Variants in CDKL4 observed in about 807,000 individuals in gnomAD.
The protein encoded by CDKL4 is cyclin dependent kinase like 4, also known as cyclin-dependent kinase-like 4.
In CDKL4, 44 loss-of-function variants were observed where a neutral mutation model predicts 42.0. The observed-to-expected ratio is 1.05, with a 90% CI of 0.82 to 1.35. The LOEUF is 1.35. CDKL4 is among the 40% of genes most tolerant of loss of function. The pLI is 0.00. For synonymous variants in CDKL4, 120 were observed against 121.6 expected (o/e 0.99, Z 0.09); for missense variants, 393 against 369.9 (o/e 1.06, Z -0.51).
chr2:39,191,905 T>C lies in CDKL4; in HGVS notation c.455-1403A>G, dbSNP rs555139293. ...AGCCCGACTTGCAGAGATGAGGTAA[T>C]GGGCAATTCTCCTTAGTAAAGTCGT... On this transcript the variant is annotated intron_variant, in intron 5 of 9. Transcript: ENST00000451199. 2.6e-5 allele frequency among the ~76,000 whole-genome samples: 4 copies of C among 152,330 alleles called. No homozygotes were observed. The South Asian group carries it at 8.3e-4, about 32-fold the overall frequency.
chr2:39,187,756 A>T, intron 6 of CDKL4, 47 bp from the exon 7 acceptor site: 3 of 1,369,146 alleles, frequency 2.2e-6, no homozygotes, highest in Non-Finnish European at 3.1e-6. Context: ...GGCAAAGAAT[A>T]ATCAAGTGTT....
chr2:39,210,050 C>T (rs990981396), intron 4 of CDKL4, among the ~76,000 whole-genome samples: 28 of 152,074 alleles, frequency 1.8e-4, no homozygotes, highest in Admixed American at 1.6e-3. Flanking sequence ...TACAGTGGCC[C>T]GATCTTAGCT....
chr2:39,185,277 CATATGTATAT>C (rs1675691768), intron 7 of CDKL4, among the ~76,000 whole-genome samples: 1 of 64,128 alleles, frequency 1.6e-5, no homozygotes, highest in Admixed American at 2.1e-4. Flanking sequence ...TATATATACA[CATATGTATAT>C]ATACATATAT....
chr2:39,176,344 A>C (rs552313966), intron 9 of CDKL4, among the ~76,000 whole-genome samples: 1 of 152,328 alleles, frequency 6.6e-6, no homozygotes, highest in East Asian at 1.9e-4. Context: ...ACTTAATCTG[A>C]GTATCTAGTC....
At chr2:39,229,265 A>T in intron 2 of CDKL4, 100 bp downstream of exon 2, 1 of 853,354 alleles carries the variant, frequency 1.2e-6, no homozygotes, top group South Asian at 1.9e-5. Flanking sequence ...AAGGAATTTA[A>T]GTCCAATGGG....
intron 8 of CDKL4, among the ~76,000 whole-genome samples, chr2:39,182,653 T>A (rs1027655915): frequency 4.0e-4 from 61 of 152,204 alleles, no homozygotes; most frequent in African/African-American, 1.4e-3. Flanking sequence ...TTTTCTTAAA[T>A]CCAAACTTCA....
chr2:39,172,328 AAAAAG>A (rs1675024089), downstream of CDKL4, among the ~76,000 whole-genome samples: 3 of 151,936 alleles, frequency 2.0e-5, no homozygotes, highest in Admixed American at 6.6e-5. Context: ...CCGAAAAAAA[AAAAAG>A]AAAAAGAAAA....
chr2:39,238,275 A>G (rs1573035489), intron 1 of CDKL4, among the ~76,000 whole-genome samples: 1 of 152,146 alleles, frequency 6.6e-6, no homozygotes, highest in Admixed American at 6.5e-5. Context: ...TAAAAAAATA[A>G]AAAATAATTA....
intron 4 of CDKL4, among the ~76,000 whole-genome samples, chr2:39,210,196 G>A (rs2148347378): frequency 6.6e-6 from 1 of 152,188 alleles, no homozygotes; most frequent in East Asian, 1.9e-4. Flanking sequence ...TCACCATGTT[G>A]GCCAGGCTGG....
intron 7 of CDKL4, among the ~76,000 whole-genome samples, chr2:39,185,291 CATATATATACACATATGTATATATACAT>C (rs1675695972): frequency 1.7e-4 from 4 of 23,330 alleles, no homozygotes; most frequent in South Asian, 1.1e-3. Flanking sequence ...TGTATATATA[CATATATATACACATATGTATATATACAT>C]ATATATACAC....
At chr2:39,209,461 TA>T (rs1677449557) in intron 4 of CDKL4, among the ~76,000 whole-genome samples, 1 of 152,172 alleles carries the variant, frequency 6.6e-6, no homozygotes, top group Non-Finnish European at 1.5e-5. Context: ...TATTATAGGG[TA>T]AAAGAGAACC....
upstream of CDKL4, among the ~76,000 whole-genome samples, chr2:39,244,099 G>A (rs1019772745): frequency 4.6e-5 from 7 of 152,254 alleles, no homozygotes; most frequent in Admixed American, 4.6e-4. Flanking sequence ...CTTCTGAGAG[G>A]TGACAGCGTG....
At chr2:39,240,028 T>C (rs573221250) in intron 1 of CDKL4, among the ~76,000 whole-genome samples, 1 of 152,156 alleles carries the variant, frequency 6.6e-6, no homozygotes, top group African/African-American at 2.4e-5. Flanking sequence ...AGGCGGAGGT[T>C]GCAGTGAGCT....
intron 5 of CDKL4, among the ~76,000 whole-genome samples, chr2:39,201,309 A>AAT (rs1207676012): frequency 6.6e-6 from 1 of 151,538 alleles, no homozygotes; most frequent in African/African-American, 2.4e-5. Context: ...AAAAATAAAA[A>AAT]AAAAAAAACT....
At chr2:39,192,721 T>G (rs1025519789) in intron 5 of CDKL4, among the ~76,000 whole-genome samples, 1 of 152,082 alleles carries the variant, frequency 6.6e-6, no homozygotes, top group African/African-American at 2.4e-5. Flanking sequence ...GCTTACCAAG[T>G]GCATATGACA....
At chr2:39,243,811 AC>A (rs1679785131) in intron 1 of CDKL4, among the ~76,000 whole-genome samples, 59 bp downstream of exon 1, 1 of 152,000 alleles carries the variant, frequency 6.6e-6, no homozygotes, top group Admixed American at 6.5e-5. Context: ...CTCGCGGCTC[AC>A]CCCATCAACC....
At chr2:39,229,466 T>A in exon 2 of CDKL4, 1 of 1,613,616 alleles carries the variant, frequency 6.2e-7, no homozygotes, top group Middle Eastern at 1.7e-4. Flanking sequence ...GAGGTTTTGT[T>A]TCTGCATTTG....
chr2:39,243,163 G>T (rs1164860780), intron 1 of CDKL4, among the ~76,000 whole-genome samples: 1 of 64,706 alleles, frequency 1.5e-5, no homozygotes, highest in African/African-American at 3.5e-5. Flanking sequence ...GAATGACGAG[G>T]AAAAAGAGAT....
At chr2:39,234,468 G>C (rs773993964) in intron 1 of CDKL4, among the ~76,000 whole-genome samples, 7 of 152,100 alleles carry the variant, frequency 4.6e-5, no homozygotes, top group Non-Finnish European at 8.8e-5. Context: ...AGTTGAAATG[G>C]AGACAGGAAA....
Sources: gnomAD v4.1 joint callset for allele counts (sites outside exome capture counted in the v4.1 genomes callset) on GRCh38, gnomAD v4.1.1 for gene constraint, MANE v1.5 for transcripts, NCBI Gene and HGNC (gene_info 2026-07-23, HGNC 2026-07-21) for gene names.